The following ZNF420 variants were observed in gnomAD, a reference collection of about 807,000 sequenced individuals.
The protein encoded by ZNF420 is zinc finger protein 420.
Under a neutral mutation model 44.7 loss-of-function variants are expected in ZNF420, and 31 were observed. The ratio of observed to expected loss-of-function variants is 0.69; its 90% CI spans 0.52 to 0.94. The LOEUF is 0.94. Among genes scored for constraint, ZNF420 ranks in the 40% least tolerant of loss-of-function variants. ZNF420 has a pLI of 0.00. For synonymous variants in ZNF420, 245 were observed against 267.4 expected (o/e 0.92, Z 0.82); for missense variants, 681 against 827.9 (o/e 0.82, Z 2.18).
At chr19:37,080,823 G>C (rs1305909411) in intron 2 of ZNF420, among the ~76,000 whole-genome samples, 1 of 151,936 alleles carries the variant, frequency 6.6e-6, no homozygotes, top group East Asian at 1.9e-4. Flanking sequence ...TTGGGAGGCC[G>C]AGGCGGATGG....
At chr19:37,098,592 G>A (rs979018943) in intron 4 of ZNF420, among the ~76,000 whole-genome samples, 1 of 151,918 alleles carries the variant, frequency 6.6e-6, no homozygotes, top group African/African-American at 2.4e-5. Flanking sequence ...CATATTTATG[G>A]GCTACCATGT....
chr19:37,083,944 TA>T (rs1968616275), intron 2 of ZNF420, among the ~76,000 whole-genome samples: 1 of 152,182 alleles, frequency 6.6e-6, no homozygotes, highest in Middle Eastern at 3.2e-3. Flanking sequence ...CCAATTGAAA[TA>T]AAAGATTATA....
intron 4 of ZNF420, among the ~76,000 whole-genome samples, chr19:37,100,179 GT>G (rs1969687150): frequency 6.6e-6 from 1 of 152,114 alleles, no homozygotes; most frequent in Non-Finnish European, 1.5e-5. Context: ...TGGATATTCA[GT>G]TTTCCCAGCA....
intron 1 of ZNF420, among the ~76,000 whole-genome samples, chr19:37,035,491 G>A (rs568595214): frequency 6.6e-6 from 1 of 152,042 alleles, no homozygotes; most frequent in African/African-American, 2.4e-5. Context: ...TGGCCACCAC[G>A]CCTGGCCACA....
chr19:37,070,815 T>C (rs1252987913), intron 1 of ZNF420, among the ~76,000 whole-genome samples: 1 of 152,236 alleles, frequency 6.6e-6, no homozygotes, highest in African/African-American at 2.4e-5. Flanking sequence ...TATTGCCTAG[T>C]AAAGTTGAGA....
intron 1 of ZNF420, among the ~76,000 whole-genome samples, chr19:37,028,877 G>A (rs1846165984): frequency 1.3e-5 from 2 of 152,188 alleles, no homozygotes; most frequent in African/African-American, 4.8e-5. Flanking sequence ...TTCGGATTTT[G>A]CTCTTGAACT....
intron 1 of ZNF420, among the ~76,000 whole-genome samples, chr19:37,033,136 TTTAA>T (rs1256939278): frequency 2.0e-5 from 3 of 152,208 alleles, no homozygotes; most frequent in Non-Finnish European, 2.9e-5. Flanking sequence ...TTTGGTTACT[TTTAA>T]TTAATCTTTC....
At chr19:37,013,571 G>A (rs1297274878) in intron 1 of ZNF420, among the ~76,000 whole-genome samples, 1 of 152,114 alleles carries the variant, frequency 6.6e-6, no homozygotes, top group Non-Finnish European at 1.5e-5. Context: ...CAGCTTCAGG[G>A]GACAGATGGA....
At chr19:37,044,381 G>T (rs1176628097) in intron 1 of ZNF420, among the ~76,000 whole-genome samples, 1 of 152,112 alleles carries the variant, frequency 6.6e-6, no homozygotes, top group East Asian at 1.9e-4. Context: ...AGGATCGGTG[G>T]GTGGCAGGGA....
intron 1 of ZNF420, among the ~76,000 whole-genome samples, chr19:37,050,897 C>G (rs893102927): frequency 6.6e-6 from 1 of 152,142 alleles, no homozygotes; most frequent in African/African-American, 2.4e-5. Context: ...TATGTCCAAT[C>G]AATACCTAAT....
chr19:37,018,361 A>G (rs940469280), intron 1 of ZNF420, among the ~76,000 whole-genome samples: 3 of 152,190 alleles, frequency 2.0e-5, no homozygotes, highest in Admixed American at 6.5e-5. Flanking sequence ...AAAACTAGGA[A>G]TAAAGCTGGA....
At chr19:37,100,258 C>A (rs1177342939) in intron 4 of ZNF420, among the ~76,000 whole-genome samples, 4 of 152,100 alleles carry the variant, frequency 2.6e-5, no homozygotes, top group Non-Finnish European at 5.9e-5. Context: ...AATCAGTTGG[C>A]TGCAAATACT....
intron 4 of ZNF420, among the ~76,000 whole-genome samples, chr19:37,101,516 A>G (rs755175079): frequency 8.5e-5 from 13 of 152,198 alleles, no homozygotes; most frequent in Non-Finnish European, 1.8e-4. Context: ...CAGTCAATCA[A>G]TCAAGTTCAC....
chr19:37,022,088 A>C (rs1191169688), intron 1 of ZNF420, among the ~76,000 whole-genome samples: 3 of 151,816 alleles, frequency 2.0e-5, no homozygotes, highest in Admixed American at 2.0e-4. Context: ...CTTTGAGTAA[A>C]CAGGAAATTG....
Position 37,017,403 on chromosome 19 carries a change from G to A in ZNF420, c.-125+9321G>A, listed in dbSNP as rs1440817385. On this transcript the variant is annotated intron_variant, in intron 1 of 4. Transcript: ENST00000587029. Reference sequence around the variant, plus strand: ...TACTGAGAGTGGCATGAGTATAGAAGGAAAACCTGCTTTTGCAGATACAGT... The same window carrying A: ...TACTGAGAGTGGCATGAGTATAGAAAGAAAACCTGCTTTTGCAGATACAGT... 3.9e-5 allele frequency among the ~76,000 whole-genome samples: 6 copies of A among 152,082 alleles called. 1 individual carries two copies. The highest frequency in any genetic ancestry group is 3.3e-4 in the Admixed American group (5 of 15,270).
At chr19:37,081,721 T>C (rs2146489490) in intron 2 of ZNF420, among the ~76,000 whole-genome samples, 2 of 148,742 alleles carry the variant, frequency 1.3e-5, no homozygotes, top group East Asian at 3.9e-4. Flanking sequence ...TTTTTTTTTT[T>C]TTTTAGCAGA....
intron 1 of ZNF420, among the ~76,000 whole-genome samples, chr19:37,065,572 T>C (rs534102756): frequency 1.3e-5 from 2 of 152,328 alleles, no homozygotes; most frequent in African/African-American, 4.8e-5. Context: ...AATGGAGACA[T>C]TGGACTTACA....
At chr19:37,079,658 T>C (rs918120182) in intron 1 of ZNF420, among the ~76,000 whole-genome samples, 12 of 152,148 alleles carry the variant, frequency 7.9e-5, no homozygotes, top group Non-Finnish European at 1.3e-4. Flanking sequence ...GAGTGATGAA[T>C]AGGAGTTATT....
intron 1 of ZNF420, among the ~76,000 whole-genome samples, chr19:37,015,711 CCT>C (rs1427982856): frequency 2.6e-5 from 4 of 152,156 alleles, no homozygotes; most frequent in African/African-American, 9.7e-5. Flanking sequence ...CTCATTCTCC[CCT>C]TCCTCTTCAC....
Sources: allele counts gnomAD v4.1 joint callset (sites outside exome capture counted in the v4.1 genomes callset), GRCh38; gene constraint gnomAD v4.1.1; transcripts MANE v1.5; gene names NCBI Gene and HGNC (gene_info 2026-07-23, HGNC 2026-07-21).